Variants in GCLM observed in about 807,000 individuals in gnomAD.
The protein encoded by GCLM is glutamate-cysteine ligase modifier subunit, also known as glutamate--cysteine ligase regulatory subunit.
A neutral mutation model predicts 36.0 loss-of-function variants in GCLM; 15 were observed. The ratio of observed to expected loss-of-function variants is 0.42; its 90% CI spans 0.28 to 0.64. The LOEUF is 0.64. GCLM is among the 30% of genes least tolerant of loss of function. GCLM has a pLI of 0.25. For missense variants in GCLM, 242 were observed against 325.5 expected (o/e 0.74, Z 1.97); for synonymous variants, 129 against 122.8 (o/e 1.05, Z -0.34).
At chr1:93,898,564 T>G (rs549162879) in intron 3 of GCLM, among the ~76,000 whole-genome samples, 4 of 152,258 alleles carry the variant, frequency 2.6e-5, no homozygotes, top group South Asian at 2.1e-4. Flanking sequence ...GGCCTTGAAC[T>G]CTTGGCCTCA....
chr1:93,904,173 T>C (rs1308591853), intron 2 of GCLM: 2 of 247,612 alleles, frequency 8.1e-6, no homozygotes, highest in African/African-American at 4.7e-5. Context: ...TTTGAAAAAT[T>C]ACTTCTAGTG....
At position 93,909,056 on chromosome 1, in the gene GCLM, C is replaced by T. The variant is rs1657259280; in HGVS notation, c.108G>A (p.Pro36=). Residue 36 remains proline (P), a synonymous_variant, in exon 1 of 7, where the codon CCG becomes CCA. Coordinates refer to ENST00000370238, the MANE Select transcript of GCLM (RefSeq NM_002061.4). ...LNWGRLRKKC[P]STHSEELHDC... is the part of the protein sequence containing the mutation. ...CGCTCACCTCCTCGCTGTGCGTGGA[C>T]GGGCACTTCTTCCGCAGGCGGCCCC... 2 of 1,473,640 alleles carry T rather than the reference C, an allele frequency of 1.4e-6. No homozygotes were observed. Among genetic ancestry groups the T allele is most frequent in the Non-Finnish European group, 1.8e-6 (2 of 1,118,074 alleles). The allele number at this position is 1,473,640 out of a possible 1,614,324, so 91.3% of individuals were successfully genotyped here.
intron 6 of GCLM, 67 bp from the exon 7 acceptor site, chr1:93,889,226 T>TGTAG: frequency 9.3e-7 from 1 of 1,075,782 alleles, no homozygotes; most frequent in Non-Finnish European, 1.3e-6. Flanking sequence ...CACTTTAGTA[T>TGTAG]GTAGGTAAGC....
intron 3 of GCLM, among the ~76,000 whole-genome samples, chr1:93,899,972 G>GA (rs910570626): frequency 2.0e-5 from 3 of 149,598 alleles, no homozygotes; most frequent in Non-Finnish European, 4.4e-5. Flanking sequence ...AGGAAATGGA[G>GA]AAAAATAAGG....
At position 93,904,802 on chromosome 1, in the gene GCLM, C is replaced by G. The variant is rs192600610; in HGVS notation, c.127-214G>C. 8.5e-4 allele frequency among the ~76,000 whole-genome samples: 129 copies of G among 152,252 alleles called. 1 individual carries two copies. Among genetic ancestry groups the G allele is most frequent in the African/African-American group, 2.9e-3 (119 of 41,546 alleles). On this transcript the variant is annotated intron_variant, in intron 1 of 6. Coordinates refer to ENST00000370238, the MANE Select transcript of GCLM (RefSeq NM_002061.4). Reference sequence around the variant, plus strand: ...ATCCTACTCTTGTTTCTCAAATGTTCTTGAACTAAAGAAGTTGTCTAATTA... The same window carrying G: ...ATCCTACTCTTGTTTCTCAAATGTTGTTGAACTAAAGAAGTTGTCTAATTA...
At chr1:93,900,186 G>A (rs1656895272) in intron 3 of GCLM, among the ~76,000 whole-genome samples, 1 of 151,810 alleles carries the variant, frequency 6.6e-6, no homozygotes, top group Non-Finnish European at 1.5e-5. Flanking sequence ...TCTAACTTTA[G>A]CCCCTATAAC....
chr1:93,891,459 A>G (rs1241731294), intron 6 of GCLM, among the ~76,000 whole-genome samples: 1 of 152,136 alleles, frequency 6.6e-6, no homozygotes, highest in Non-Finnish European at 1.5e-5. Context: ...GTACCATATA[A>G]AACAACAATT....
At chr1:93,904,949 A>G (rs1181285596) in intron 1 of GCLM, among the ~76,000 whole-genome samples, 3 of 152,082 alleles carry the variant, frequency 2.0e-5, no homozygotes, top group African/African-American at 4.8e-5. Context: ...TGAGGGGGGC[A>G]AATCACTTGA....
At position 93,887,162 on chromosome 1, in the gene GCLM, T is replaced by G. The variant is rs1288654666; in HGVS notation, c.*1828A>C. The G allele has an allele frequency of 2.0e-5, 3 of 151,848 alleles. No individual in the cohort carries two copies. Among genetic ancestry groups the G allele is most frequent in the Non-Finnish European group, 4.4e-5 (3 of 67,994 alleles). 9.4% of individuals were successfully genotyped at this position (151,848 alleles called of 1,614,324 possible). A position where few individuals can be genotyped will look rare whatever the true frequency, so the allele number is the denominator to read the frequency against. ...GGAGCCCGCCACCACGCCTGGCTAA[T>G]TTTTGTATTTTTAGCAGATACAGGG... On this transcript the variant is annotated 3_prime_UTR_variant, in exon 7 of 7. Transcript: ENST00000370238.
chr1:93,901,988 AG>A (rs1214491683), intron 2 of GCLM, among the ~76,000 whole-genome samples: 1 of 152,080 alleles, frequency 6.6e-6, no homozygotes, highest in African/African-American at 2.4e-5. Context: ...AGTTAGAAAC[AG>A]TAGCACAGCA....
intron 1 of GCLM, among the ~76,000 whole-genome samples, chr1:93,906,734 T>A (rs1657158539): frequency 6.6e-6 from 1 of 152,222 alleles, no homozygotes; most frequent in Non-Finnish European, 1.5e-5. Flanking sequence ...CATTAATGTT[T>A]ATGTTTGTTC....
intron 6 of GCLM, among the ~76,000 whole-genome samples, chr1:93,890,558 G>A (rs1186101582): frequency 6.6e-6 from 1 of 152,062 alleles, no homozygotes; most frequent in Non-Finnish European, 1.5e-5. Context: ...TACCAGCAAT[G>A]CTTTCTTTAA....
At chr1:93,890,759 A>G (rs1656502864) in intron 6 of GCLM, among the ~76,000 whole-genome samples, 1 of 152,216 alleles carries the variant, frequency 6.6e-6, no homozygotes, top group South Asian at 2.1e-4. Flanking sequence ...GTACAAGTAC[A>G]TTCTTAAAGC....
intron 2 of GCLM, among the ~76,000 whole-genome samples, chr1:93,903,613 C>T (rs905655147): frequency 6.6e-6 from 1 of 152,082 alleles, no homozygotes; most frequent in Non-Finnish European, 1.5e-5. Context: ...CCACTGCGCC[C>T]AGCCTGTAAT....
rs1407280249 is a variant in GCLM at position 93,887,230 on chromosome 1, G to A, written c.*1760C>T. 1 of 151,978 alleles carries A rather than the reference G, an allele frequency of 6.6e-6. No homozygotes were observed. Among genetic ancestry groups the A allele is most frequent in the Non-Finnish European group, 1.5e-5 (1 of 68,012 alleles). The allele number at this position is 151,978 out of a possible 1,614,324, so 9.4% of individuals were successfully genotyped here. A position where few individuals can be genotyped will look rare whatever the true frequency, so the allele number is the denominator to read the frequency against. On this transcript the variant is annotated 3_prime_UTR_variant, in exon 7 of 7. Transcript: ENST00000370238. ...GGCTGGTCTAGAACTCCTGACCTCA[G>A]GTGATCATCTGCCTTGGCCTCCCAG...
At chr1:93,905,660 T>G (rs1005159157) in intron 1 of GCLM, among the ~76,000 whole-genome samples, 2 of 152,234 alleles carry the variant, frequency 1.3e-5, no homozygotes, top group Non-Finnish European at 2.9e-5. Flanking sequence ...TCAAACATAC[T>G]TTATTAAAGT....
intron 5 of GCLM, among the ~76,000 whole-genome samples, chr1:93,895,164 G>A (rs774452118): frequency 2.0e-5 from 3 of 151,878 alleles, no homozygotes; most frequent in Non-Finnish European, 4.4e-5. Flanking sequence ...ACAGGTGCCT[G>A]CCACCATGCC....
rs187864335 is a variant in GCLM at position 93,889,098 on chromosome 1, C to T, written c.717G>A (p.Ala239=). The change falls in exon 7 of 7, where the codon GCG becomes GCA. Residue 239 remains alanine (A), a synonymous_variant. Coordinates refer to ENST00000370238, the MANE Select transcript of GCLM (RefSeq NM_002061.4). ...ALQESIPDIQ[A]HEWVPLWLLR... ...GTAGCCACAGCGGCACCCACTCGTG[C>T]GCTTGAATGTCAGGAATGCTTTCCT... 38 of 1,601,740 alleles carry T rather than the reference C, an allele frequency of 2.4e-5. No individual in the cohort carries two copies. The highest frequency in any genetic ancestry group is 2.3e-4 in the African/African-American group (17 of 74,372).
chr1:93,898,050 T>C (rs1192718997), intron 3 of GCLM, 152 bp from the exon 4 acceptor site: 1 of 446,866 alleles, frequency 2.2e-6, no homozygotes, highest in Non-Finnish European at 3.9e-6. Context: ...GTTTTAATTT[T>C]AAGACATAAA....
Sources: allele counts gnomAD v4.1 joint callset (sites outside exome capture counted in the v4.1 genomes callset), GRCh38; gene constraint gnomAD v4.1.1; transcripts MANE v1.5; gene names NCBI Gene and HGNC (gene_info 2026-07-23, HGNC 2026-07-21).